Variants in KCTD10 observed in about 807,000 individuals in gnomAD.
The protein encoded by KCTD10 is BTB/POZ domain-containing adapter for CUL3-mediated RhoA degradation protein 3.
In KCTD10, 13 loss-of-function variants were observed where a neutral mutation model predicts 34.6. The observed-to-expected ratio is 0.38, with a 90% CI of 0.24 to 0.60. The LOEUF (loss-of-function observed/expected upper bound fraction) is 0.60, where lower values mean the gene tolerates loss of function less well. KCTD10 is among the 20% of genes least tolerant of loss of function. KCTD10 has a pLI of 0.66. For missense variants in KCTD10, 256 were observed against 420.3 expected, an observed-to-expected ratio of 0.61 and a Z score of 3.42; for synonymous variants, 156 against 168.8, an observed-to-expected ratio of 0.92 and a Z score of 0.59.
At chr12:109,465,514 C>A (rs1873549371) in intron 2 of KCTD10, among the ~76,000 whole-genome samples, 1 of 152,144 alleles carries the variant, frequency 6.6e-6, no homozygotes, top group Non-Finnish European at 1.5e-5. Flanking sequence ...GACCCAGGCA[C>A]CAGTACTGAC....
intron 5 of KCTD10, 79 bp downstream of exon 5, chr12:109,457,551 C>T (rs11831213): frequency 0.031 from 39,590 of 1,266,854 alleles, 2,712 homozygotes; most frequent in African/African-American, 0.24. Context: ...TCTGAAGGTA[C>T]GAAGAAGAGC....
chr12:109,464,856 T>C (rs572489571), intron 2 of KCTD10: 48 of 456,038 alleles, frequency 1.1e-4, no homozygotes, highest in African/African-American at 8.8e-4. Context: ...GGAGTAGAAG[T>C]TGCCATAACC....
At chr12:109,477,236 G>T in intron 1 of KCTD10, 24 bp downstream of exon 1, 1 of 1,613,536 alleles carries the variant, frequency 6.2e-7, no homozygotes, top group South Asian at 1.1e-5. Context: ...TCAACCCCTA[G>T]TCCATGGGCA....
chr12:109,454,353 C>A (rs1449387953), intron 6 of KCTD10, among the ~76,000 whole-genome samples: 1 of 152,168 alleles, frequency 6.6e-6, no homozygotes, highest in Admixed American at 6.5e-5. Context: ...TGAGAACTGA[C>A]AAATACAATA....
At chr12:109,472,511 TAA>T (rs36004776) in intron 1 of KCTD10, among the ~76,000 whole-genome samples, 1 of 144,476 alleles carries the variant, frequency 6.9e-6, no homozygotes, top group Admixed American at 6.9e-5. Flanking sequence ...AGTTTTCACT[TAA>T]AAAAAAAAAG....
At chr12:109,468,430 C>T (rs557614049) in intron 2 of KCTD10, among the ~76,000 whole-genome samples, 13 of 152,284 alleles carry the variant, frequency 8.5e-5, no homozygotes, top group African/African-American at 3.1e-4. Flanking sequence ...GAAGACCAGT[C>T]TCAGAAACAG....
chr12:109,460,725 C>T lies in KCTD10; in HGVS notation c.298G>A (p.Glu100Lys), dbSNP rs1371221763. ...YLRDGAVPLPESRREIEELLA... is the reference protein window; with the variant it reads ...YLRDGAVPLPKSRREIEELLA... ...AGCTCCTCGATCTCCCGGCGGCTCT[C>T]GGGTAAAGGCACCGCCCCGTCTCGA... Residue 100 changes from glutamate to lysine, a missense_variant, in exon 3 of 7, where the codon GAG (glutamate) becomes AAG (lysine). Around this residue, in one of 3 missense-constraint regions of KCTD10, gnomAD observed 155 missense variants for 207.0 expected, o/e 0.75. Coordinates refer to ENST00000228495, the MANE Select transcript of KCTD10 (RefSeq NM_031954.5). The surrounding 1 kb of genome is among the most constrained non-coding windows in gnomAD (Gnocchi z 4.5). 3 of 1,614,138 alleles carry T rather than the reference C, an allele frequency of 1.9e-6. No individual in the cohort carries two copies. Among genetic ancestry groups the T allele is most frequent in the South Asian group, 2.2e-5 (2 of 91,076 alleles).
At chr12:109,471,914 C>T (rs1873909036) in intron 1 of KCTD10, among the ~76,000 whole-genome samples, 1 of 152,048 alleles carries the variant, frequency 6.6e-6, no homozygotes, top group Non-Finnish European at 1.5e-5. Flanking sequence ...AGTCAAAGCA[C>T]AGTAAATATG....
intron 5 of KCTD10, 93 bp from the exon 6 acceptor site, chr12:109,456,406 C>G: frequency 2.0e-6 from 2 of 995,490 alleles, no homozygotes; most frequent in Non-Finnish European, 3.2e-6. Flanking sequence ...ACTGAGCCCA[C>G]TTTCTCCACT....
intron 3 of KCTD10, 175 bp from the exon 4 acceptor site, chr12:109,458,253 G>T (rs1475588311): frequency 5.1e-6 from 3 of 593,714 alleles, no homozygotes; most frequent in Admixed American, 5.8e-5. Flanking sequence ...GAATTTCCCA[G>T]TAAGTCTGCT....
At chr12:109,475,517 C>T (rs924770247) in intron 1 of KCTD10, among the ~76,000 whole-genome samples, 7 of 148,430 alleles carry the variant, frequency 4.7e-5, no homozygotes, top group Admixed American at 3.3e-4. Flanking sequence ...CTGTGCTTGC[C>T]TGGGCTACAC....
intron 2 of KCTD10, among the ~76,000 whole-genome samples, chr12:109,466,112 C>G (rs1450175128): frequency 6.6e-6 from 1 of 152,150 alleles, no homozygotes; most frequent in Non-Finnish European, 1.5e-5. Flanking sequence ...AAAGGGCATG[C>G]TCACTGCCAC....
At chr12:109,470,420 CCT>C (rs1873828522) in intron 1 of KCTD10, 4 of 985,374 alleles carry the variant, frequency 4.1e-6, no homozygotes, top group Non-Finnish European at 4.8e-6. Flanking sequence ...CTACCATCTC[CCT>C]GATAGCATGG....
At chr12:109,464,176 T>C (rs1873485340) in intron 2 of KCTD10, among the ~76,000 whole-genome samples, 1 of 152,198 alleles carries the variant, frequency 6.6e-6, no homozygotes, top group Non-Finnish European at 1.5e-5. Flanking sequence ...CTCTATATTT[T>C]TGTGGTTCCC....
chr12:109,453,039 C>T (rs938365561), intron 6 of KCTD10, among the ~76,000 whole-genome samples: 11 of 152,038 alleles, frequency 7.2e-5, no homozygotes, highest in African/African-American at 2.4e-4. Context: ...AGAGCCAGGA[C>T]GGGAGTCCAA....
chr12:109,474,542 G>T (rs1436464935), intron 1 of KCTD10, among the ~76,000 whole-genome samples: 1 of 152,050 alleles, frequency 6.6e-6, no homozygotes, highest in Non-Finnish European at 1.5e-5. Flanking sequence ...TGTGGACTAG[G>T]CAACAGAATT....
At chr12:109,470,091 A>C (rs1174831408) in intron 1 of KCTD10, 1 of 1,075,504 alleles carries the variant, frequency 9.3e-7, no homozygotes, top group Non-Finnish European at 1.1e-6. Context: ...TTGTGTTATA[A>C]GCACTTCCTT....
rs1873883247 is a variant in KCTD10, at chr12:109,471,478, C to G, written c.4-1750G>C. ...GAAAAGTCACAAGAAAATATGTTTT[C>G]AAAAGCTCAGGCTTAGCTCACCTGG... On this transcript the variant is annotated intron_variant, in intron 1 of 6. Transcript: ENST00000228495. 5.2e-6 allele frequency: 5 copies of G among 955,490 alleles called. No homozygotes were observed. In the South Asian group the frequency reaches 1.4e-4, roughly 28 times the overall value. The allele number at this position is 955,490 out of a possible 1,614,324, so 59.2% of individuals were successfully genotyped here. A position where few individuals can be genotyped will look rare whatever the true frequency, so the allele number is the denominator to read the frequency against.
chr12:109,464,328 TG>T (rs1298080262), intron 2 of KCTD10, among the ~76,000 whole-genome samples: 1 of 152,154 alleles, frequency 6.6e-6, no homozygotes, highest in Non-Finnish European at 1.5e-5. Context: ...AATTCTTAGT[TG>T]TAAGAGGCTG....
Sources: gnomAD v4.1 joint callset for allele counts (sites outside exome capture counted in the v4.1 genomes callset) on GRCh38, gnomAD v4.1.1 for gene constraint, gnomAD v4.1.1 regional missense constraint, Gnocchi (gnomAD v3.1) non-coding constraint, MANE v1.5 for transcripts, NCBI Gene and HGNC (gene_info 2026-07-23, HGNC 2026-07-21) for gene names.